GNA12: variants seen among roughly 807,000 people sequenced by gnomAD.
GNA12 encodes guanine nucleotide-binding protein subunit alpha-12.
GNA12 carries 9 observed loss-of-function variants against 26.0 expected under a neutral mutation model. That is an observed-to-expected ratio of 0.35 (90% CI 0.21 to 0.60). The LOEUF (loss-of-function observed/expected upper bound fraction) is 0.60. GNA12 is among the 20% of genes least tolerant of loss of function. GNA12 has a pLI of 0.78. For synonymous variants in GNA12, 264 were observed against 219.6 expected (o/e 1.20, Z -1.79); for missense variants, 405 against 525.8 (o/e 0.77, Z 2.25).
chr7:2,815,816 G>A (rs1347230221), intron 1 of GNA12, among the ~76,000 whole-genome samples: 2 of 152,276 alleles, frequency 1.3e-5, no homozygotes, highest in East Asian at 1.9e-4. Context: ...CACACCTGAT[G>A]ACGTCCAATC....
At chr7:2,792,212 T>C (rs553189822) in intron 2 of GNA12, among the ~76,000 whole-genome samples, 82 of 152,284 alleles carry the variant, frequency 5.4e-4, no homozygotes, top group African/African-American at 1.9e-3. Flanking sequence ...TCTCACACAG[T>C]AGGTGATCCA....
intron 1 of GNA12, among the ~76,000 whole-genome samples, chr7:2,825,908 A>T (rs570014266): frequency 3.3e-5 from 5 of 152,058 alleles, no homozygotes; most frequent in African/African-American, 4.8e-5. Flanking sequence ...TCCACACCAT[A>T]TATCATTAGG....
At chr7:2,822,891 G>A (rs907375933) in intron 1 of GNA12, among the ~76,000 whole-genome samples, 1 of 152,144 alleles carries the variant, frequency 6.6e-6, no homozygotes, top group Non-Finnish European at 1.5e-5. Flanking sequence ...CAGTCCCTAA[G>A]AGAGTCTGCT....
chr7:2,804,245 T>C (rs1008317958), intron 1 of GNA12, among the ~76,000 whole-genome samples: 1 of 152,246 alleles, frequency 6.6e-6, no homozygotes, highest in African/African-American at 2.4e-5. Flanking sequence ...TGTGAAATCA[T>C]TTAGTAGGCA....
chr7:2,814,361 C>T lies in GNA12; in HGVS notation c.310-19218G>A, dbSNP rs151253462. ...TAGGTGCTCAAAACGGCAGCACTTT[C>T]GGTTTCCATCTGGTGTGCTTCCCGA... On this transcript the variant is annotated intron_variant, in intron 1 of 3. Coordinates refer to ENST00000275364, the MANE Select transcript of GNA12 (RefSeq NM_007353.3). 7.7e-3 allele frequency: 12,411 copies of T among 1,603,128 alleles called. 76 individuals are homozygous for T. The highest frequency in any genetic ancestry group is 0.026 in the Middle Eastern group (159 of 6,038).
intron 1 of GNA12, among the ~76,000 whole-genome samples, chr7:2,806,684 A>G (rs978806821): frequency 5.3e-5 from 8 of 152,314 alleles, no homozygotes; most frequent in Admixed American, 2.0e-4. Context: ...AAATTTTTCT[A>G]GCGATGTATC....
chr7:2,760,700 C>T (rs947650896), intron 2 of GNA12, among the ~76,000 whole-genome samples: 1 of 152,224 alleles, frequency 6.6e-6, no homozygotes, highest in African/African-American at 2.4e-5. Flanking sequence ...TCTCCATTTC[C>T]TTCTACAGGC....
rs1025234315 is a variant in GNA12 at position 2,733,217 on chromosome 7, CTCTG to C, written c.576+230_576+233del. On this transcript the variant is annotated intron_variant, in intron 3 of 3. Coordinates refer to ENST00000275364, the MANE Select transcript of GNA12 (RefSeq NM_007353.3). ...AAGTCCTCCTTTCACTCATGAACTC[CTCTG>C]TCTGTCTCCTTTATGGTGATCTGGG... is the stretch of plus-strand genomic sequence containing the variant. 1.1e-3 allele frequency among the ~76,000 whole-genome samples: 164 copies of C among 152,358 alleles called. 1 individual carries two copies. Among genetic ancestry groups the C allele is most frequent in the African/African-American group, 3.8e-3 (156 of 41,584 alleles).
At position 2,795,250 on chromosome 7, in the gene GNA12, A is replaced by AGCTCT. The variant is rs974310051; in HGVS notation, c.310-112_310-108dup. ...ATTGTCATAACGCAGAAAACTCACA[A>AGCTCT]GCTCTGAGCTGTGCAGCCTGAGTCT... On this transcript the variant is annotated intron_variant, in intron 1 of 3. Transcript: ENST00000275364. The AGCTCT allele has an allele frequency of 8.9e-5, 72 of 805,858 alleles. No homozygotes were observed. The African/African-American group carries it at 1.1e-3, about 13-fold the overall frequency. The allele number at this position is 805,858 out of a possible 1,614,324, so 49.9% of individuals were successfully genotyped here. A position where few individuals can be genotyped will look rare whatever the true frequency, so the allele number is the denominator to read the frequency against.
chr7:2,792,920 G>T (rs949299771), intron 2 of GNA12, among the ~76,000 whole-genome samples: 5 of 152,206 alleles, frequency 3.3e-5, no homozygotes, highest in African/African-American at 1.2e-4. Context: ...TAACAACACA[G>T]AGAAAATACT....
chr7:2,760,477 GCCT>G (rs1224547135), intron 2 of GNA12: 2 of 152,406 alleles, frequency 1.3e-5, no homozygotes, highest in East Asian at 3.8e-4. Flanking sequence ...AGGCCCTTCT[GCCT>G]GTCAAATCAA....
intron 1 of GNA12, among the ~76,000 whole-genome samples, chr7:2,843,477 T>G (rs555737182): frequency 6.6e-6 from 1 of 151,640 alleles, no homozygotes; most frequent in African/African-American, 2.4e-5. Flanking sequence ...AGACCCCATC[T>G]CTACAAAAAA....
chr7:2,842,943 C>G (rs540293900), intron 1 of GNA12, among the ~76,000 whole-genome samples: 41 of 152,310 alleles, frequency 2.7e-4, no homozygotes, highest in African/African-American at 7.0e-4. Flanking sequence ...TTTAGTTGGG[C>G]TGTAGGTACT....
At chr7:2,815,677 G>A (rs896458608) in intron 1 of GNA12, among the ~76,000 whole-genome samples, 2 of 152,098 alleles carry the variant, frequency 1.3e-5, no homozygotes, top group African/African-American at 2.4e-5. Context: ...GTACCCCTCC[G>A]CCTCCTGACC....
chr7:2,842,580 G>A (rs1364370542), intron 1 of GNA12, among the ~76,000 whole-genome samples: 1 of 152,134 alleles, frequency 6.6e-6, no homozygotes, highest in Non-Finnish European at 1.5e-5. Flanking sequence ...TTACAGGCAC[G>A]AGCCATCACA....
chr7:2,778,547 G>A (rs927745228), intron 2 of GNA12, among the ~76,000 whole-genome samples: 3 of 152,284 alleles, frequency 2.0e-5, no homozygotes, highest in South Asian at 2.1e-4. Flanking sequence ...GGTAATACAG[G>A]CCCCTACTTC....
At chr7:2,782,411 G>A (rs185472008) in intron 2 of GNA12, among the ~76,000 whole-genome samples, 186 of 152,276 alleles carry the variant, frequency 1.2e-3, no homozygotes, top group Admixed American at 2.5e-3. Flanking sequence ...AACTCTCTGT[G>A]TTTGGAAATG....
intron 1 of GNA12, among the ~76,000 whole-genome samples, chr7:2,817,562 T>A (rs1422173060): frequency 1.3e-5 from 2 of 152,238 alleles, no homozygotes; most frequent in African/African-American, 4.8e-5. Flanking sequence ...GGAGACATTA[T>A]ATATTTCTTC....
At chr7:2,755,916 C>G (rs905235744) in intron 2 of GNA12, among the ~76,000 whole-genome samples, 1 of 152,168 alleles carries the variant, frequency 6.6e-6, no homozygotes, top group South Asian at 2.1e-4. Context: ...AGATTGAATA[C>G]CAGTCTCAAT....
Sources: allele counts gnomAD v4.1 joint callset (sites outside exome capture counted in the v4.1 genomes callset), GRCh38; gene constraint gnomAD v4.1.1; transcripts MANE v1.5; gene names NCBI Gene and HGNC (gene_info 2026-07-23, HGNC 2026-07-21).